CFAP299: variants seen among roughly 807,000 people sequenced by gnomAD.
The protein encoded by CFAP299 is cilia and flagella associated protein 299.
In CFAP299, 21 loss-of-function variants were observed where a neutral mutation model predicts 27.0. That is an observed-to-expected ratio of 0.78 (90% CI 0.55 to 1.12). The LOEUF (loss-of-function observed/expected upper bound fraction) is 1.12. Ranked by LOEUF, CFAP299 falls within the 50% of genes most tolerant of loss-of-function variation. CFAP299 has a pLI of 0.00. For synonymous variants in CFAP299, 104 were observed against 98.1 expected (o/e 1.06, Z -0.36); for missense variants, 310 against 276.6 (o/e 1.12, Z -0.86).
the CFAP299 span, among the ~76,000 whole-genome samples, chr4:80,327,681 A>G: frequency 1.6e-5 from 2 of 126,990 alleles, 1 homozygote; most frequent in African/African-American, 6.7e-5. Flanking sequence ...ATATATATAT[A>G]GAGAGAAGTT....
intron 2 of CFAP299, among the ~76,000 whole-genome samples, chr4:80,367,952 C>T (rs1399624254): frequency 6.6e-6 from 1 of 152,194 alleles, no homozygotes. Flanking sequence ...AGAGCCTAGT[C>T]AGTAGTTACA....
chr4:80,761,295 G>A (rs1472331657), intron 3 of CFAP299, among the ~76,000 whole-genome samples: 1 of 151,870 alleles, frequency 6.6e-6, no homozygotes, highest in East Asian at 1.9e-4. Context: ...TTTCCTCCTA[G>A]TAACAAGTTC....
intron 2 of CFAP299, among the ~76,000 whole-genome samples, chr4:80,548,586 T>A (rs962608897): frequency 2.0e-5 from 3 of 152,154 alleles, no homozygotes; most frequent in African/African-American, 7.2e-5. Flanking sequence ...AATATCTGCC[T>A]ACATAACAGA....
At chr4:80,334,235 A>G (rs937260725), upstream of CFAP299, among the ~76,000 whole-genome samples, 1 of 152,228 alleles carries the variant, frequency 6.6e-6, no homozygotes, top group Non-Finnish European at 1.5e-5. Flanking sequence ...CACAATTGAT[A>G]TAATAGAACA....
chr4:80,501,080 T>C (rs1731717803), intron 2 of CFAP299, among the ~76,000 whole-genome samples: 1 of 152,056 alleles, frequency 6.6e-6, no homozygotes, highest in Non-Finnish European at 1.5e-5. Context: ...CCTACTAAAG[T>C]TTAAAATGTG....
At chr4:80,321,492 C>T in the CFAP299 span, among the ~76,000 whole-genome samples, 2 of 152,166 alleles carry the variant, frequency 1.3e-5, no homozygotes, top group Non-Finnish European at 2.9e-5. Flanking sequence ...CTCTCCTCTG[C>T]TGGGCCTGTG....
intron 2 of CFAP299, among the ~76,000 whole-genome samples, chr4:80,368,721 C>A (rs1263638933): frequency 4.6e-5 from 7 of 152,012 alleles, no homozygotes; most frequent in Non-Finnish European, 1.0e-4. Flanking sequence ...TTTTGTATAT[C>A]ATTTTATGAT....
At chr4:80,566,032 C>T (rs933496945) in intron 2 of CFAP299, among the ~76,000 whole-genome samples, 4 of 151,934 alleles carry the variant, frequency 2.6e-5, no homozygotes, top group Non-Finnish European at 5.9e-5. Context: ...TAAGTGTGGC[C>T]AGGGTATTAA....
At chr4:80,770,801 C>T (rs903868987) in intron 3 of CFAP299, among the ~76,000 whole-genome samples, 2 of 151,930 alleles carry the variant, frequency 1.3e-5, no homozygotes, top group African/African-American at 4.8e-5. Flanking sequence ...GGAGTAAGTC[C>T]CTGTTGTCTT....
chr4:80,880,977 G>C (rs1578208554), intron 4 of CFAP299, among the ~76,000 whole-genome samples: 1 of 152,230 alleles, frequency 6.6e-6, no homozygotes, highest in Non-Finnish European at 1.5e-5. Flanking sequence ...ACTGAGCACT[G>C]AACCACCTGT....
intron 2 of CFAP299, among the ~76,000 whole-genome samples, chr4:80,447,956 A>C (rs976408601): frequency 6.6e-6 from 1 of 152,222 alleles, no homozygotes; most frequent in Non-Finnish European, 1.5e-5. Context: ...AGCATGGCAC[A>C]CAAGGCTTTA....
chr4:80,688,453 G>A (rs1040833748), intron 3 of CFAP299, among the ~76,000 whole-genome samples: 18 of 152,056 alleles, frequency 1.2e-4, no homozygotes, highest in African/African-American at 2.2e-4. Context: ...ACAGCCGGCC[G>A]GGTACTCCAA....
intron 3 of CFAP299, among the ~76,000 whole-genome samples, chr4:80,769,356 A>G (rs1344663734): frequency 2.0e-5 from 3 of 152,152 alleles, no homozygotes; most frequent in African/African-American, 7.2e-5. Flanking sequence ...TTATGTTACT[A>G]TACAATAAAA....
chr4:80,600,273 A>T (rs1300907544), intron 3 of CFAP299, among the ~76,000 whole-genome samples: 3 of 152,124 alleles, frequency 2.0e-5, no homozygotes, highest in Non-Finnish European at 4.4e-5. Flanking sequence ...TGATATAACT[A>T]GTCCAAAGAA....
chr4:80,397,223 A>G (rs955671331), intron 2 of CFAP299, among the ~76,000 whole-genome samples: 2 of 151,918 alleles, frequency 1.3e-5, no homozygotes, highest in African/African-American at 4.8e-5. Context: ...GATCGGTGGT[A>G]ATATCCCCTT....
chr4:80,517,283 T>G (rs1732635356), intron 2 of CFAP299, among the ~76,000 whole-genome samples: 1 of 152,198 alleles, frequency 6.6e-6, no homozygotes, highest in African/African-American at 2.4e-5. Flanking sequence ...GAATTTCTGT[T>G]GTTTTAGATC....
intron 3 of CFAP299, among the ~76,000 whole-genome samples, chr4:80,652,214 T>G (rs1445586070): frequency 6.6e-6 from 1 of 152,124 alleles, no homozygotes; most frequent in Non-Finnish European, 1.5e-5. Context: ...TGCCAGAATA[T>G]TTCATCAAGT....
intron 2 of CFAP299, among the ~76,000 whole-genome samples, chr4:80,462,035 A>G (rs546121226): frequency 6.6e-6 from 1 of 152,216 alleles, no homozygotes; most frequent in Admixed American, 6.5e-5. Flanking sequence ...ACCAATCTAA[A>G]TCCTTTGGCC....
intron 3 of CFAP299, among the ~76,000 whole-genome samples, chr4:80,860,354 G>T (rs1732242522): frequency 6.6e-6 from 1 of 152,054 alleles, no homozygotes; most frequent in Non-Finnish European, 1.5e-5. Flanking sequence ...CCTTTGGTTT[G>T]AATTTCCTCC....
Sources: gnomAD v4.1 joint callset for allele counts (sites outside exome capture counted in the v4.1 genomes callset) on GRCh38, gnomAD v4.1.1 for gene constraint, MANE v1.5 for transcripts, NCBI Gene and HGNC (gene_info 2026-07-23, HGNC 2026-07-21) for gene names.